GDAP2: variants seen among roughly 807,000 people sequenced by gnomAD.
GDAP2 encodes ganglioside induced differentiation associated protein 2.
A neutral mutation model predicts 67.0 loss-of-function variants in GDAP2; 51 were observed. The observed-to-expected ratio is 0.76, with a 90% CI of 0.61 to 0.96. The LOEUF (loss-of-function observed/expected upper bound fraction) is 0.96, where lower values mean the gene tolerates loss of function less well. Ranked by LOEUF, GDAP2 falls within the 40% of genes least tolerant of loss-of-function variation. GDAP2 has a pLI of 0.00. For missense variants in GDAP2, 547 were observed against 588.3 expected, an observed-to-expected ratio of 0.93 and a Z score of 0.73; for synonymous variants, 203 against 207.3, an observed-to-expected ratio of 0.98 and a Z score of 0.18.
At chr1:117,895,813 C>A (rs950087080) in intron 8 of GDAP2, among the ~76,000 whole-genome samples, 1 of 152,154 alleles carries the variant, frequency 6.6e-6, no homozygotes, top group Non-Finnish European at 1.5e-5. Context: ...CTGGAGAGTT[C>A]ATGTAGTCCA....
rs965337891 is a variant in GDAP2, at chr1:117,870,480, G to A, written c.*89C>T. Reference sequence around the variant, plus strand: ...TGGGGACAAAAGGCTCTCTGGATCTGTACAGCAACAATGAATATCACTTCA... The same window carrying A: ...TGGGGACAAAAGGCTCTCTGGATCTATACAGCAACAATGAATATCACTTCA... On this transcript the variant is annotated 3_prime_UTR_variant, in exon 14 of 14. Transcript: ENST00000369443. The A allele has an allele frequency of 2.3e-6, 2 of 862,804 alleles. No individual in the cohort carries two copies. The highest frequency in any genetic ancestry group is 2.7e-5 in the South Asian group (2 of 75,236). 53.4% of individuals were successfully genotyped at this position (862,804 alleles called of 1,614,324 possible).
chr1:117,920,439 A>G lies in GDAP2; in HGVS notation c.-67-15T>C. 1.2e-6 allele frequency: 1 copy of G among 857,736 alleles called. No homozygotes were observed. Among genetic ancestry groups the G allele is most frequent in the Non-Finnish European group, 1.8e-6 (1 of 543,488 alleles). The allele number at this position is 857,736 out of a possible 1,614,324, so 53.1% of individuals were successfully genotyped here. On this transcript the variant is annotated splice_polypyrimidine_tract_variant and intron_variant, in intron 1 of 13. Transcript: ENST00000369443. ...GGAGACTTTAGCTTTAAGAGAAAAG[A>G]AAGAATCACTTTAATAGAGAAGCAC...
chr1:117,918,613 A>G lies in GDAP2; in HGVS notation c.300T>C (p.Asp100=). Residue 100 remains aspartate (D), a synonymous_variant, in exon 3 of 14, where the codon GAT becomes GAC. Coordinates refer to ENST00000369443, the MANE Select transcript of GDAP2 (RefSeq NM_017686.4). ...FMLAGPDLKE[D]LQKLKGCRTG... ...TTCACTCACCTTTAAGTTTCTGGAG[A>G]TCTTCCTTCAAATCAGGCCCTGCAA... 6.2e-7 allele frequency: 1 copy of G among 1,609,056 alleles called. No homozygotes were observed. The highest frequency in any genetic ancestry group is 1.7e-4 in the Middle Eastern group (1 of 6,042).
chr1:117,911,175 A>C (rs915651904), intron 5 of GDAP2, among the ~76,000 whole-genome samples: 3 of 152,240 alleles, frequency 2.0e-5, no homozygotes, highest in African/African-American at 7.2e-5. Context: ...TATGACACAC[A>C]GAAATATATA....
intron 6 of GDAP2, among the ~76,000 whole-genome samples, chr1:117,900,855 T>C (rs910862012): frequency 2.0e-5 from 3 of 150,416 alleles, no homozygotes; most frequent in Non-Finnish European, 4.4e-5. Flanking sequence ...AGTCAGGAGA[T>C]CAAGACCATC....
In GDAP2 at chr1:117,927,219, GT is replaced by G. The variant is rs200924294; in HGVS notation, c.-68+2228del. Among the ~76,000 whole-genome samples, 418 of 148,512 alleles carry G rather than the reference GT, an allele frequency of 2.8e-3. 3 individuals carry two copies. Among genetic ancestry groups the G allele is most frequent in the African/African-American group, 9.8e-3 (399 of 40,538 alleles). On this transcript the variant is annotated intron_variant, in intron 1 of 13. Transcript: ENST00000369443. ...AACAGCTCTCATTACACTGTAACTT[GT>G]TTTTTTTTTCCTCAAATCCTGTCAT...
intron 12 of GDAP2, among the ~76,000 whole-genome samples, chr1:117,880,060 C>A (rs1281892371): frequency 6.6e-6 from 1 of 152,136 alleles, no homozygotes; most frequent in African/African-American, 2.4e-5. Context: ...TGGTGCACGT[C>A]TGCAGTCCTA....
At chr1:117,880,943 GTTCA>G (rs917290911) in intron 12 of GDAP2, among the ~76,000 whole-genome samples, 5 of 152,168 alleles carry the variant, frequency 3.3e-5, no homozygotes, top group Non-Finnish European at 7.4e-5. Context: ...AATGAAATGT[GTTCA>G]TTAAGATGGA....
intron 1 of GDAP2, among the ~76,000 whole-genome samples, chr1:117,921,722 AT>A (rs1366668612): frequency 6.6e-6 from 1 of 152,222 alleles, no homozygotes; most frequent in Admixed American, 6.5e-5. Context: ...GAGGATCTTG[AT>A]CATGGTAATG....
chr1:117,875,881 A>G (rs755131948), intron 13 of GDAP2, among the ~76,000 whole-genome samples: 3 of 152,126 alleles, frequency 2.0e-5, no homozygotes, highest in Non-Finnish European at 4.4e-5. Context: ...ATATCTTGGA[A>G]GCAAATAATT....
At chr1:117,905,826 G>T (rs1475659597) in intron 6 of GDAP2, among the ~76,000 whole-genome samples, 2 of 151,972 alleles carry the variant, frequency 1.3e-5, no homozygotes, top group Non-Finnish European at 2.9e-5. Context: ...AGCTATATAT[G>T]CCTTGAATAG....
At chr1:117,886,099 A>AT (rs1648842943) in intron 10 of GDAP2, among the ~76,000 whole-genome samples, 1 of 151,988 alleles carries the variant, frequency 6.6e-6, no homozygotes, top group Non-Finnish European at 1.5e-5. Flanking sequence ...ATATTTTCTT[A>AT]TTTTTATCTA....
Position 117,864,439 on chromosome 1 carries a change from C to T in GDAP2, c.*6130G>A, listed in dbSNP as rs1420951714. 1 of 152,134 alleles carries T rather than the reference C, an allele frequency of 6.6e-6. No individual in the cohort carries two copies. Among genetic ancestry groups the T allele is most frequent in the Non-Finnish European group, 1.5e-5 (1 of 68,026 alleles). The allele number at this position is 152,134 out of a possible 1,614,324, so 9.4% of individuals were successfully genotyped here. ...GAGAAAACAGGGTGAATTGGGTCATCACATAGTACATGGCAGTACATGCCT... is the reference window on the plus strand; with the variant it reads ...GAGAAAACAGGGTGAATTGGGTCATTACATAGTACATGGCAGTACATGCCT... On this transcript the variant is annotated 3_prime_UTR_variant, in exon 14 of 14. Transcript: ENST00000369443.
intron 6 of GDAP2, among the ~76,000 whole-genome samples, chr1:117,901,957 C>T (rs547534439): frequency 2.0e-3 from 304 of 152,266 alleles, no homozygotes; most frequent in Non-Finnish European, 3.1e-3. Context: ...TGGAATTATT[C>T]AAACTAGCCA....
intron 1 of GDAP2, among the ~76,000 whole-genome samples, chr1:117,923,623 C>A (rs996020430): frequency 6.6e-6 from 1 of 152,070 alleles, no homozygotes; most frequent in East Asian, 1.9e-4. Flanking sequence ...TTTCTCCCCC[C>A]CAAATAAATG....
intron 10 of GDAP2, among the ~76,000 whole-genome samples, chr1:117,886,302 A>T (rs1648851876): frequency 6.6e-6 from 1 of 152,208 alleles, no homozygotes; most frequent in African/African-American, 2.4e-5. Context: ...AATGATTCCA[A>T]CCACTTACTA....
rs1650504700 is a variant in GDAP2, at chr1:117,927,788, CA to C, written c.-68+1659del. On this transcript the variant is annotated intron_variant, in intron 1 of 13. Coordinates refer to ENST00000369443, the MANE Select transcript of GDAP2 (RefSeq NM_017686.4). The stretch of plus-strand genomic sequence containing the variant: ...TCCTAAGCTTGTCAATGGCTTGGGT[CA>C]AATTTAACATCATAATTCAAAAGCA... 2.0e-5 allele frequency among the ~76,000 whole-genome samples: 3 copies of C among 152,278 alleles called. No homozygotes were observed. In the South Asian group the frequency reaches 6.2e-4, roughly 32 times the overall value.
intron 12 of GDAP2, among the ~76,000 whole-genome samples, 166 bp from the exon 13 acceptor site, chr1:117,878,318 TTAA>T (rs1301471971): frequency 6.6e-6 from 1 of 152,224 alleles, no homozygotes; most frequent in African/African-American, 2.4e-5. Context: ...TAGTTGATTA[TTAA>T]TAACATTAAA....
intron 1 of GDAP2, among the ~76,000 whole-genome samples, chr1:117,925,170 C>T (rs1279386347): frequency 1.3e-5 from 2 of 152,080 alleles, no homozygotes; most frequent in Admixed American, 6.5e-5. Flanking sequence ...AATACCAAAT[C>T]GGTTGGACGC....
Sources: allele counts gnomAD v4.1 joint callset (sites outside exome capture counted in the v4.1 genomes callset), GRCh38; gene constraint gnomAD v4.1.1; transcripts MANE v1.5; gene names NCBI Gene and HGNC (gene_info 2026-07-23, HGNC 2026-07-21).